NFIB: variants seen among roughly 807,000 people sequenced by gnomAD.
The protein encoded by NFIB is nuclear factor I B.
In NFIB, 11 loss-of-function variants were observed where a neutral mutation model predicts 61.5. The observed-to-expected ratio is 0.18, with a 90% CI of 0.11 to 0.30. The LOEUF is 0.30. Ranked by LOEUF, NFIB falls within the 10% of genes least tolerant of loss-of-function variation. NFIB has a pLI of 1.00. For missense variants in NFIB, 471 were observed against 608.9 expected, an observed-to-expected ratio of 0.77 and a Z score of 2.38; for synonymous variants, 260 against 216.5, an observed-to-expected ratio of 1.20 and a Z score of -1.76.
intron 2 of NFIB, among the ~76,000 whole-genome samples, chr9:14,280,179 T>A (rs1477627117): frequency 6.6e-6 from 1 of 152,200 alleles, no homozygotes; most frequent in African/African-American, 2.4e-5. Context: ...GCTTAGGGGC[T>A]GATCTAAAAT....
At chr9:14,159,401 C>A (rs1454724337) in intron 3 of NFIB, among the ~76,000 whole-genome samples, 1 of 152,184 alleles carries the variant, frequency 6.6e-6, no homozygotes, top group Non-Finnish European at 1.5e-5. Flanking sequence ...AGAGGTCCCA[C>A]TGGGCTCTAC....
At position 14,116,269 on chromosome 9, in the gene NFIB, A is replaced by T. The variant is rs1405831236; in HGVS notation, c.1323T>A (p.Ser441Arg). The change falls in exon 9 of 11, where the codon AGT becomes AGA. Residue 441 changes from serine to arginine, a missense_variant. By Grantham distance (110) the Ser-to-Arg change is moderately radical (BLOSUM62 -1). This residue lies in a region of NFIB where 372 missense variants were observed against 395.6 expected (regional missense o/e 0.94). Transcript: ENST00000380953. ...TGCTCAGGGTCACAGGTCGCACTGC[A>T]CTGGGATGGGGAGAGGGTGCCAAGA... ...TPVLAPSPHPSAVRPVTLSMT... is the reference protein window; with the variant it reads ...TPVLAPSPHPRAVRPVTLSMT... 6.5e-7 allele frequency: 1 copy of T among 1,538,488 alleles called. No individual in the cohort carries two copies. Among genetic ancestry groups the T allele is most frequent in the South Asian group, 1.2e-5 (1 of 81,804 alleles).
intron 2 of NFIB, among the ~76,000 whole-genome samples, chr9:14,226,173 C>T (rs896289640): frequency 6.6e-6 from 1 of 151,790 alleles, no homozygotes; most frequent in Non-Finnish European, 1.5e-5. Flanking sequence ...AGATACGGAT[C>T]ATCTCCCTTT....
At chr9:14,093,840 C>G (rs976589953) in intron 10 of NFIB, among the ~76,000 whole-genome samples, 1 of 152,006 alleles carries the variant, frequency 6.6e-6, no homozygotes, top group Non-Finnish European at 1.5e-5. Context: ...AAAAAATGCT[C>G]GCTCAGACCA....
the NFIB span, among the ~76,000 whole-genome samples, chr9:14,441,465 T>C: frequency 6.6e-6 from 1 of 152,250 alleles, no homozygotes; most frequent in Non-Finnish European, 1.5e-5. Flanking sequence ...AGTGAAACCT[T>C]ATGCGGTGAT....
intron 2 of NFIB, among the ~76,000 whole-genome samples, chr9:14,243,472 C>T (rs547130355): frequency 4.6e-5 from 7 of 152,042 alleles, no homozygotes; most frequent in Non-Finnish European, 1.0e-4. Flanking sequence ...CCTTGAGAAT[C>T]TAGAAGAGGA....
chr9:14,428,280 C>G, the NFIB span, among the ~76,000 whole-genome samples: 81 of 152,216 alleles, frequency 5.3e-4, 1 homozygote, highest in Admixed American at 2.0e-3. Flanking sequence ...CTTGTTAAGA[C>G]TGGACCAAGT....
intron 1 of NFIB, among the ~76,000 whole-genome samples, chr9:14,394,898 G>A (rs532323840): frequency 1.8e-4 from 27 of 152,064 alleles, no homozygotes; most frequent in African/African-American, 6.3e-4. Context: ...AACTCTAAAG[G>A]GCTGTAAGAA....
chr9:14,480,007 G>A, the NFIB span, among the ~76,000 whole-genome samples: 9 of 151,866 alleles, frequency 5.9e-5, no homozygotes. Context: ...GAGGGAGGGA[G>A]GAAGGGAAAG....
the NFIB span, among the ~76,000 whole-genome samples, chr9:14,412,336 C>A: frequency 1.3e-5 from 2 of 152,140 alleles, no homozygotes; most frequent in Non-Finnish European, 2.9e-5. Flanking sequence ...ACTGTTGTAT[C>A]CCTAATACCT....
Position 14,096,867 on chromosome 9 carries a change from C to T in NFIB, c.1468-8541G>A, listed in dbSNP as rs187249636. 1.5e-4 allele frequency among the ~76,000 whole-genome samples: 23 copies of T among 152,242 alleles called. No homozygotes were observed. The South Asian group carries it at 1.9e-3, about 12-fold the overall frequency. On this transcript the variant is annotated intron_variant, in intron 10 of 10. Transcript: ENST00000380953. ...ATGGCATCTTAATGGATTGCTGACC[C>T]ATTTCCTGTGGGATGGCAGCATGCA...
At chr9:14,385,586 A>G (rs1364873019) in intron 1 of NFIB, among the ~76,000 whole-genome samples, 1 of 152,210 alleles carries the variant, frequency 6.6e-6, no homozygotes. Flanking sequence ...CTTAGAAGGA[A>G]GGAAAAAAAC....
the NFIB span, among the ~76,000 whole-genome samples, chr9:14,500,868 G>T: frequency 2.6e-5 from 4 of 152,082 alleles, no homozygotes; most frequent in Non-Finnish European, 5.9e-5. Flanking sequence ...CCACTCCCTG[G>T]TTTCTAAACT....
intron 1 of NFIB, among the ~76,000 whole-genome samples, chr9:14,358,700 C>T (rs1026186913): frequency 2.0e-5 from 3 of 152,100 alleles, no homozygotes; most frequent in Admixed American, 1.3e-4. Context: ...TATTGCTGAC[C>T]TTACACCCTA....
At chr9:14,377,245 G>C (rs1942108627) in intron 1 of NFIB, among the ~76,000 whole-genome samples, 1 of 152,164 alleles carries the variant, frequency 6.6e-6, no homozygotes, top group South Asian at 2.1e-4. Flanking sequence ...TTTAAAGACA[G>C]AGTCTCACTC....
At chr9:14,455,350 A>G in the NFIB span, among the ~76,000 whole-genome samples, 1 of 152,238 alleles carries the variant, frequency 6.6e-6, no homozygotes, top group Non-Finnish European at 1.5e-5. Context: ...TGCATTATTT[A>G]CTATTAACTA....
chr9:14,139,442 A>T (rs942258603), intron 6 of NFIB, among the ~76,000 whole-genome samples: 5 of 152,312 alleles, frequency 3.3e-5, no homozygotes, highest in Non-Finnish European at 7.4e-5. Context: ...ATGCAGAGAA[A>T]CTTTGTATGG....
At chr9:14,241,732 T>A (rs1008970422) in intron 2 of NFIB, among the ~76,000 whole-genome samples, 1 of 152,158 alleles carries the variant, frequency 6.6e-6, no homozygotes, top group Non-Finnish European at 1.5e-5. Flanking sequence ...GTGTACCAGA[T>A]GTTAAAAAAA....
At chr9:14,299,379 G>A (rs1475765634) in intron 2 of NFIB, among the ~76,000 whole-genome samples, 2 of 152,100 alleles carry the variant, frequency 1.3e-5, no homozygotes, top group Non-Finnish European at 2.9e-5. Context: ...GTAGTTTTAT[G>A]AGAGATGTGT....
Sources: gnomAD v4.1 joint callset for allele counts (sites outside exome capture counted in the v4.1 genomes callset) on GRCh38, gnomAD v4.1.1 for gene constraint, gnomAD v4.1.1 regional missense constraint, MANE v1.5 for transcripts, NCBI Gene and HGNC (gene_info 2026-07-23, HGNC 2026-07-21) for gene names.